The following CNBD1 variants were observed in gnomAD, a reference collection of about 807,000 sequenced individuals.
CNBD1 encodes the protein cyclic nucleotide binding domain containing 1.
Under a neutral mutation model 54.4 loss-of-function variants are expected in CNBD1, and 71 were observed. That is an observed-to-expected ratio of 1.30 (90% CI 1.08 to 1.59). CNBD1 has a LOEUF of 1.59. CNBD1 is among the 40% of genes most tolerant of loss of function. CNBD1 has a pLI of 0.00. For synonymous variants in CNBD1, 182 were observed against 170.7 expected, an observed-to-expected ratio of 1.07 and a Z score of -0.51; for missense variants, 659 against 518.0, an observed-to-expected ratio of 1.27 and a Z score of -2.64.
intron 2 of CNBD1, 58 bp downstream of exon 2, chr8:86,887,669 T>A: frequency 7.9e-7 from 1 of 1,259,568 alleles, no homozygotes; most frequent in Non-Finnish European, 1.1e-6. Context: ...TATTTTTGTT[T>A]TAGGGATAAA....
intron 4 of CNBD1, among the ~76,000 whole-genome samples, chr8:87,190,807 A>AGAGGTACAGAACCAATAG (rs1813584934): frequency 6.7e-6 from 1 of 149,208 alleles, no homozygotes; most frequent in Non-Finnish European, 1.5e-5. Context: ...AGGATTCTCC[A>AGAGGTACAGAACCAATAG]GAGGTACAGA....
chr8:86,989,853 A>G (rs763062021), intron 4 of CNBD1, among the ~76,000 whole-genome samples: 3 of 152,286 alleles, frequency 2.0e-5, no homozygotes, highest in Admixed American at 1.3e-4. Context: ...GCCAGCATTC[A>G]GCATTTATTA....
At chr8:86,868,534 T>C (rs981377226) in intron 1 of CNBD1, among the ~76,000 whole-genome samples, 1 of 150,294 alleles carries the variant, frequency 6.7e-6, no homozygotes, top group African/African-American at 2.5e-5. Flanking sequence ...GGTTTCACTG[T>C]GTTGGCCAGG....
rs149763011 is a variant in CNBD1, at chr8:86,992,330, A to G, written c.431+52576A>G. On this transcript the variant is annotated intron_variant, in intron 4 of 10. Transcript: ENST00000518476. ...TCTTTTATCTGATATAATAATACCA[A>G]CTCCTGCTATTTTTGTTTTAGCCTG... Among the ~76,000 whole-genome samples the G allele has an allele frequency of 5.2e-3, 788 of 150,588 alleles. 4 individuals carry two copies. The highest frequency in any genetic ancestry group is 0.018 in the African/African-American group (722 of 40,998).
chr8:86,992,101 G>A (rs901526603), intron 4 of CNBD1, among the ~76,000 whole-genome samples: 3 of 152,056 alleles, frequency 2.0e-5, no homozygotes, highest in Non-Finnish European at 2.9e-5. Context: ...GTAACACTCA[G>A]GGGAGTGTTG....
At chr8:87,402,516 C>G (rs949858042) in intron 2 of CNBD1, among the ~76,000 whole-genome samples, 1 of 152,038 alleles carries the variant, frequency 6.6e-6, no homozygotes, top group African/African-American at 2.4e-5. Context: ...TTTCTTTTAA[C>G]TATAGCTGAG....
chr8:86,988,721 A>T (rs1287241278), intron 4 of CNBD1, among the ~76,000 whole-genome samples: 1 of 151,930 alleles, frequency 6.6e-6, no homozygotes, highest in Non-Finnish European at 1.5e-5. Context: ...CTCTACCTCC[A>T]TTGATGCAAT....
In CNBD1 at chr8:87,237,153, A is replaced by G. The variant is rs1404411147; in HGVS notation, c.771+41A>G. ...TTGCTTTTTCCACAAGCAACAAGGT[A>G]ACGGGCTTTTGTAAAACTTTATCTC... is the stretch of plus-strand genomic sequence containing the variant. On this transcript the variant is annotated intron_variant, in intron 6 of 10. Transcript: ENST00000518476. 7.5e-6 allele frequency: 10 copies of G among 1,332,486 alleles called. No homozygotes were observed. The East Asian group carries it at 2.4e-4, about 31-fold the overall frequency. The allele number at this position is 1,332,486 out of a possible 1,614,324, so 82.5% of individuals were successfully genotyped here.
chr8:87,346,964 G>C lies in CNBD1; in HGVS notation c.1043-4721G>C, dbSNP rs187460448. On this transcript the variant is annotated intron_variant, in intron 8 of 10. Coordinates refer to ENST00000518476, the MANE Select transcript of CNBD1 (RefSeq NM_173538.3). ...CCTTTTTGTTTTTTCATTTAATTCA[G>C]AGCCAGGACCAAGAGAGGAAAATAT... Among the ~76,000 whole-genome samples the C allele has an allele frequency of 1.4e-3, 218 of 152,126 alleles. 1 individual carries two copies. Among genetic ancestry groups the C allele is most frequent in the Non-Finnish European group, 2.1e-3 (141 of 68,010 alleles).
chr8:87,352,011 G>T (rs1810307724), intron 9 of CNBD1, among the ~76,000 whole-genome samples: 1 of 152,098 alleles, frequency 6.6e-6, no homozygotes, highest in South Asian at 2.1e-4. Flanking sequence ...AATGATCAAT[G>T]AACACAGTAA....
intron 2 of CNBD1, among the ~76,000 whole-genome samples, chr8:86,900,421 A>G (rs1280903120): frequency 1.3e-5 from 2 of 152,176 alleles, no homozygotes; most frequent in East Asian, 3.8e-4. Context: ...ATTTGTATGT[A>G]TTGCTACAGG....
rs529135783 is a variant in CNBD1, at chr8:87,377,628, T to G, written c.1304-4992T>G. ...CAATAAACATACGTGTGCATGTGTC[T>G]TTATAGCAGCATGATTTATAGTCCT... On this transcript the variant is annotated intron_variant, in intron 10 of 10. Coordinates refer to ENST00000518476, the MANE Select transcript of CNBD1 (RefSeq NM_173538.3). Among the ~76,000 whole-genome samples, 6 of 150,936 alleles carry G rather than the reference T, an allele frequency of 4.0e-5. No homozygotes were observed. In the East Asian group the frequency reaches 1.2e-3, roughly 29 times the overall value.
chr8:87,421,398 A>G lies in CNBD1; in HGVS notation c.214-7148A>G, dbSNP rs1405519806. 2.7e-3 allele frequency among the ~76,000 whole-genome samples: 398 copies of G among 147,868 alleles called. 1 individual carries two copies. Among genetic ancestry groups the G allele is most frequent in the African/African-American group, 9.4e-3 (380 of 40,370 alleles). ...ACTAACTCGTCATCTAGCATTAGGTATATCTCCCAATGCTCTCCCTCCCCC... is the reference window on the plus strand; with the variant it reads ...ACTAACTCGTCATCTAGCATTAGGTGTATCTCCCAATGCTCTCCCTCCCCC... On this transcript the variant is annotated intron_variant, in intron 2 of 7. Coordinates refer to the CNBD1 transcript ENST00000521593.
intron 6 of CNBD1, among the ~76,000 whole-genome samples, chr8:87,248,586 G>A (rs1217322486): frequency 6.6e-6 from 1 of 152,208 alleles, no homozygotes; most frequent in Non-Finnish European, 1.5e-5. Flanking sequence ...AAGGTCTCAT[G>A]GCTTCGTTGG....
At chr8:87,387,650 C>A (rs556685193), downstream of CNBD1, among the ~76,000 whole-genome samples, 5 of 152,150 alleles carry the variant, frequency 3.3e-5, no homozygotes, top group East Asian at 7.8e-4. Context: ...CCCACACAAT[C>A]ATAATGGGAG....
chr8:87,162,735 G>C (rs1263281947), intron 4 of CNBD1, among the ~76,000 whole-genome samples: 1 of 152,082 alleles, frequency 6.6e-6, no homozygotes, highest in African/African-American at 2.4e-5. Context: ...TCTTGATGCT[G>C]CTTCCTCTGG....
At chr8:87,355,973 A>AGT (rs1443020168) in intron 10 of CNBD1, among the ~76,000 whole-genome samples, 2 of 152,018 alleles carry the variant, frequency 1.3e-5, no homozygotes, top group Admixed American at 1.3e-4. Context: ...GCTCTTTAAA[A>AGT]GTGTCTGGCA....
chr8:87,240,709 G>A (rs1302505939), intron 6 of CNBD1, among the ~76,000 whole-genome samples: 1 of 152,134 alleles, frequency 6.6e-6, no homozygotes, highest in African/African-American at 2.4e-5. Flanking sequence ...AAAGGAAGGA[G>A]GCTGGGAATT....
chr8:87,398,943 TA>T (rs1811454697), intron 2 of CNBD1, among the ~76,000 whole-genome samples: 1 of 152,068 alleles, frequency 6.6e-6, no homozygotes, highest in Non-Finnish European at 1.5e-5. Flanking sequence ...CTTAGTGGGA[TA>T]TTTTTTCTAC....
Sources: allele counts gnomAD v4.1 joint callset (sites outside exome capture counted in the v4.1 genomes callset), GRCh38; gene constraint gnomAD v4.1.1; transcripts MANE v1.5; gene names NCBI Gene and HGNC (gene_info 2026-07-23, HGNC 2026-07-21).